Variants in SLC5A4 observed in about 807,000 individuals in gnomAD.
SLC5A4 encodes solute carrier family 5 member 4.
In SLC5A4, 55 loss-of-function variants were observed where a neutral mutation model predicts 70.3. That is an observed-to-expected ratio of 0.78 (90% confidence interval 0.63 to 0.98). The LOEUF is 0.98. SLC5A4 is among the 50% of genes least tolerant of loss of function. The pLI is 0.00. For synonymous variants in SLC5A4, 268 were observed against 305.7 expected, an observed-to-expected ratio of 0.88 and a Z score of 1.29; for missense variants, 735 against 839.2, an observed-to-expected ratio of 0.88 and a Z score of 1.53.
At chr22:32,219,333 C>G (rs1404329939) in intron 14 of SLC5A4, among the ~76,000 whole-genome samples, 2 of 152,126 alleles carry the variant, frequency 1.3e-5, no homozygotes, top group East Asian at 3.8e-4. Flanking sequence ...CAAAATCTAT[C>G]CCCAGCTTAC....
At position 32,232,659 on chromosome 22, in the gene SLC5A4, C is replaced by T. The variant is rs148900591; in HGVS notation, c.1021+240G>A. ...CTTAAATCTAAGCAACTCATGAAGA[C>T]GGAACTCACAGACTCAAATGTCTAC... On this transcript the variant is annotated intron_variant, in intron 9 of 14. Transcript: ENST00000266086. 1.0e-3 allele frequency among the ~76,000 whole-genome samples: 153 copies of T among 152,038 alleles called. 3 individuals carry two copies. The highest frequency in any genetic ancestry group is 9.1e-3 in the Admixed American group (139 of 15,256).
At chr22:32,239,538 A>ATTTATATATATATT (rs749006570) in intron 5 of SLC5A4, among the ~76,000 whole-genome samples, 1 of 62,936 alleles carries the variant, frequency 1.6e-5, no homozygotes, top group Non-Finnish European at 2.7e-5. Flanking sequence ...ATATATATAT[A>ATTTATATATATATT]TATATATATA....
chr22:32,221,593 G>A (rs904251446), intron 13 of SLC5A4, among the ~76,000 whole-genome samples: 10 of 151,956 alleles, frequency 6.6e-5, no homozygotes, highest in Non-Finnish European at 1.2e-4. Flanking sequence ...ATTATTTTCT[G>A]TAAATATATT....
intron 11 of SLC5A4, 52 bp downstream of exon 11, chr22:32,229,142 C>T: frequency 1.3e-6 from 2 of 1,557,308 alleles, no homozygotes; most frequent in East Asian, 2.3e-5. Context: ...TAGTTCACTT[C>T]TACGTCTGTA....
chr22:32,222,862 A>C (rs930813573), intron 13 of SLC5A4, among the ~76,000 whole-genome samples: 2 of 152,258 alleles, frequency 1.3e-5, no homozygotes, highest in Non-Finnish European at 2.9e-5. Flanking sequence ...AAACAGTATT[A>C]GTATATAAGC....
At chr22:32,322,283 C>T in the SLC5A4 span, among the ~76,000 whole-genome samples, 1 of 152,208 alleles carries the variant, frequency 6.6e-6, no homozygotes, top group Non-Finnish European at 1.5e-5. Context: ...ACAGGGTGGC[C>T]ACATGGTAGA....
chr22:32,255,215 C>G lies in SLC5A4; in HGVS notation c.115G>C (p.Val39Leu). The G allele has an allele frequency of 6.2e-7, 1 of 1,614,040 alleles. No individual in the cohort carries two copies. Among genetic ancestry groups the G allele is most frequent in the Non-Finnish European group, 8.5e-7 (1 of 1,180,002 alleles). Residue 39 changes from valine to leucine, a missense_variant, in exon 1 of 15, where the codon GTG becomes CTG. Physicochemically the swap from Val to Leu is conservative, Grantham distance 32 (BLOSUM62 1). Transcript: ENST00000266086. ...CCTACCCACAGCCCAACAGCCATCA[C>G]CACCAGAAAATAGATGACAATGACT... ...ISVIVIYFLV[V>L]MAVGLWAMLK... is the part of the protein sequence containing the mutation.
the SLC5A4 span, among the ~76,000 whole-genome samples, chr22:32,320,344 AC>A: frequency 2.0e-5 from 3 of 152,192 alleles, no homozygotes; most frequent in Non-Finnish European, 4.4e-5. Context: ...ACATCCTCTG[AC>A]CCAGCAGTCT....
chr22:32,346,789 C>CAT, the SLC5A4 span, among the ~76,000 whole-genome samples: 1 of 147,222 alleles, frequency 6.8e-6, no homozygotes, highest in African/African-American at 2.6e-5. Flanking sequence ...AGGACATAGG[C>CAT]ATGGGCAAGG....
chr22:32,283,145 TG>T, the SLC5A4 span, among the ~76,000 whole-genome samples: 2 of 152,258 alleles, frequency 1.3e-5, no homozygotes, highest in African/African-American at 4.8e-5. Context: ...TTCTGCATTC[TG>T]CAACCCCTTC....
chr22:32,224,251 A>G lies in SLC5A4; in HGVS notation c.1665+16T>C. 2 of 1,572,428 alleles carry G rather than the reference A, an allele frequency of 1.3e-6. No homozygotes were observed. The highest frequency in any genetic ancestry group is 1.8e-6 in the Non-Finnish European group (2 of 1,142,384). ...TCTTATTTAAAATTAGCATGTATTCATTACTCATCACTCACATGTACATCA... is the reference window on the plus strand; with the variant it reads ...TCTTATTTAAAATTAGCATGTATTCGTTACTCATCACTCACATGTACATCA... On this transcript the variant is annotated intron_variant, in intron 13 of 14. Coordinates refer to ENST00000266086, the MANE Select transcript of SLC5A4 (RefSeq NM_014227.3).
chr22:32,220,855 G>T, intron 14 of SLC5A4, 65 bp downstream of exon 14: 2 of 1,046,778 alleles, frequency 1.9e-6, no homozygotes, highest in South Asian at 2.5e-5. Context: ...GACATTAAAA[G>T]AAAACCATAA....
chr22:32,297,862 C>T, the SLC5A4 span, among the ~76,000 whole-genome samples: 2 of 102,904 alleles, frequency 1.9e-5, no homozygotes, highest in Admixed American at 2.0e-4. Flanking sequence ...TGTCTTTGTT[C>T]TCGTTGGTTT....
the SLC5A4 span, among the ~76,000 whole-genome samples, chr22:32,308,081 C>G: frequency 6.6e-6 from 1 of 152,104 alleles, no homozygotes; most frequent in African/African-American, 2.4e-5. Context: ...TCTTACCTAC[C>G]TACCTACCTA....
chr22:32,267,479 C>T, the SLC5A4 span, among the ~76,000 whole-genome samples: 1 of 152,172 alleles, frequency 6.6e-6, no homozygotes, highest in South Asian at 2.1e-4. Context: ...ATGAAATTAA[C>T]TTTAAGATTG....
the SLC5A4 span, among the ~76,000 whole-genome samples, chr22:32,331,079 A>T: frequency 6.1e-5 from 1 of 16,320 alleles, no homozygotes; most frequent in Non-Finnish European, 1.1e-4. Context: ...GTATGTGTTG[A>T]AGGCTCTGGT....
At chr22:32,295,262 C>G in the SLC5A4 span, among the ~76,000 whole-genome samples, 1 of 103,590 alleles carries the variant, frequency 9.7e-6, no homozygotes, top group Non-Finnish European at 2.1e-5. Context: ...ATTGGTTGAA[C>G]TAGTTTACAG....
At chr22:32,297,491 G>A in the SLC5A4 span, among the ~76,000 whole-genome samples, 2 of 124,464 alleles carry the variant, frequency 1.6e-5, no homozygotes, top group African/African-American at 6.1e-5. Context: ...TGTGGGATCG[G>A]TGGTGATATC....
At chr22:32,301,632 CCTAG>C in the SLC5A4 span, among the ~76,000 whole-genome samples, 18 of 152,114 alleles carry the variant, frequency 1.2e-4, no homozygotes, top group African/African-American at 4.3e-4. Context: ...CTCTCAAAAT[CCTAG>C]CTACCTTATT....
Sources: allele counts gnomAD v4.1 joint callset (sites outside exome capture counted in the v4.1 genomes callset), GRCh38; gene constraint gnomAD v4.1.1; transcripts MANE v1.5; gene names NCBI Gene and HGNC (gene_info 2026-07-23, HGNC 2026-07-21).